GRM4: variants seen among roughly 807,000 people sequenced by gnomAD.
GRM4 encodes glutamate metabotropic receptor 4, also known as metabotropic glutamate receptor 4.
A neutral mutation model predicts 81.7 loss-of-function variants in GRM4; 28 were observed. The observed-to-expected ratio is 0.34, with a 90% confidence interval of 0.25 to 0.47. GRM4 has a LOEUF of 0.47. GRM4 is among the 20% of genes least tolerant of loss of function. The pLI is 1.00. For missense variants in GRM4, 948 were observed against 1,290.0 expected, an observed-to-expected ratio of 0.73 and a Z score of 4.06; for synonymous variants, 488 against 528.8, an observed-to-expected ratio of 0.92 and a Z score of 1.06.
chr6:34,111,118 C>T lies in GRM4; in HGVS notation c.520-19019G>A, dbSNP rs1581708841. The T allele has an allele frequency of 4.5e-5, 2 of 44,112 alleles. No homozygotes were observed. Among genetic ancestry groups the T allele is most frequent in the Non-Finnish European group, 6.9e-5 (1 of 14,460 alleles). 2.7% of individuals were successfully genotyped at this position (44,112 alleles called of 1,614,324 possible). ...AGGAGACACACACAGGCCACATACACACACACACACACACACACACACACA... is the reference window on the plus strand; with the variant it reads ...AGGAGACACACACAGGCCACATACATACACACACACACACACACACACACA... On this transcript the variant is annotated intron_variant, in intron 2 of 10. Transcript: ENST00000538487. The surrounding 1 kb of genome is among the most constrained non-coding windows in gnomAD (Gnocchi z 5.1).
Position 34,136,563 on chromosome 6 carries a change from G to GACACACACAC in GRM4, c.-363-2714_-363-2705dup, listed in dbSNP as rs10635207. Among the ~76,000 whole-genome samples the GACACACACAC allele has an allele frequency of 0.059, 8,369 of 142,390 alleles. 295 individuals carry two copies. Among genetic ancestry groups the GACACACACAC allele is most frequent in the Middle Eastern group, 0.13 (37 of 278 alleles). The allele number at this position is 142,390 out of a possible 152,430, so 93.4% of individuals were successfully genotyped here. On this transcript the variant is annotated intron_variant, in intron 1 of 10. Coordinates refer to ENST00000538487, the MANE Select transcript of GRM4 (RefSeq NM_000841.4). This position sits in a 1 kb window ranked among gnomAD's most constrained non-coding sequence, Gnocchi z 4.1. ...GCTGAGCAGTGCATGCGCGCGTGCG[G>GACACACACAC]ACACACACACACACACACACACACA...
rs1214807447 is a variant in GRM4 at position 34,022,568 on chromosome 6, AG to A, written c.*252del. ...TGAGCCCCTGTGGTTTGGGGCCGGG[AG>A]GGGCAATGGTCCAAGACGCAGGTTC... On this transcript the variant is annotated 3_prime_UTR_variant, in exon 11 of 11. Transcript: ENST00000538487. The surrounding 1 kb of genome is among the most constrained non-coding windows in gnomAD (Gnocchi z 5.6). 7.3e-6 allele frequency: 4 copies of A among 549,300 alleles called. No homozygotes were observed. The highest frequency in any genetic ancestry group is 3.1e-5 in the Admixed American group (1 of 32,078). The allele number at this position is 549,300 out of a possible 1,614,324, so 34.0% of individuals were successfully genotyped here.
chr6:34,115,538 G>A lies in GRM4; in HGVS notation c.519+17440C>T, dbSNP rs901817716. On this transcript the variant is annotated intron_variant, in intron 2 of 10. Transcript: ENST00000538487. This position sits in a 1 kb window ranked among gnomAD's most constrained non-coding sequence, Gnocchi z 4.1. ...CCACAAGGTCCTGGTTCAGGACCTT[G>A]GACAGCAGCCTCCAGGGGTCTGCCC... Among the ~76,000 whole-genome samples, 1 of 152,170 alleles carries A rather than the reference G, an allele frequency of 6.6e-6. No individual in the cohort carries two copies. Among genetic ancestry groups the A allele is most frequent in the Non-Finnish European group, 1.5e-5 (1 of 68,034 alleles).
rs907046041 is a variant in GRM4 at position 34,064,996 on chromosome 6, G to A, written c.737-2968C>T. On this transcript the variant is annotated intron_variant, in intron 3 of 10. Transcript: ENST00000538487. This position sits in a 1 kb window ranked among gnomAD's most constrained non-coding sequence, Gnocchi z 4.4. ...GGAGAGGCCCCCATTTCCTGCAGCC[G>A]CTCCTGGACAGTTCCCTTTCCTTGC... 5.3e-5 allele frequency among the ~76,000 whole-genome samples: 8 copies of A among 152,150 alleles called. No individual in the cohort carries two copies. Among genetic ancestry groups the A allele is most frequent in the Admixed American group, 3.3e-4 (5 of 15,282 alleles).
At chr6:34,033,989 T>C (rs1051343420) in intron 9 of GRM4, among the ~76,000 whole-genome samples, 6 of 152,176 alleles carry the variant, frequency 3.9e-5, no homozygotes, top group Admixed American at 1.3e-4. Context: ...TCCACCCGCC[T>C]CAGCCTCCCA....
In GRM4 at chr6:34,022,931, T is replaced by C. The variant is rs1022975343; in HGVS notation, c.2690-61A>G. 1 of 1,302,622 alleles carries C rather than the reference T, an allele frequency of 7.7e-7. No individual in the cohort carries two copies. Among genetic ancestry groups the C allele is most frequent in the Non-Finnish European group, 1.1e-6 (1 of 896,072 alleles). 80.7% of individuals were successfully genotyped at this position (1,302,622 alleles called of 1,614,324 possible). A position where few individuals can be genotyped will look rare whatever the true frequency, so the allele number is the denominator to read the frequency against. On this transcript the variant is annotated intron_variant, in intron 10 of 10. Transcript: ENST00000538487. This position sits in a 1 kb window ranked among gnomAD's most constrained non-coding sequence, Gnocchi z 5.6. Reference sequence around the variant, plus strand: ...GGGGCTGCTTTTCTCAAACTGTCCTTCCACATGGGCACAGCCCTGCACAAG... The same window carrying C: ...GGGGCTGCTTTTCTCAAACTGTCCTCCCACATGGGCACAGCCCTGCACAAG...
chr6:34,095,210 G>A (rs1768456754), intron 2 of GRM4, among the ~76,000 whole-genome samples: 1 of 152,144 alleles, frequency 6.6e-6, no homozygotes, highest in East Asian at 1.9e-4. Context: ...ACTAGAACAA[G>A]GACCCAACTT....
chr6:34,076,517 C>T (rs775749187), intron 3 of GRM4, among the ~76,000 whole-genome samples: 7 of 152,228 alleles, frequency 4.6e-5, no homozygotes, highest in African/African-American at 7.2e-5. Context: ...CAAGCTTCCT[C>T]AGCTGGAAAA....
chr6:34,052,770 G>A (rs1765678414), intron 6 of GRM4, among the ~76,000 whole-genome samples: 1 of 152,202 alleles, frequency 6.6e-6, no homozygotes, highest in Admixed American at 6.5e-5. Context: ...GGGAAGGAGG[G>A]GAAGGGCAGG....
exon 1 of GRM4, chr6:34,155,342 G>T: frequency 6.6e-7 from 1 of 1,512,828 alleles, no homozygotes; most frequent in Non-Finnish European, 8.8e-7. Flanking sequence ...GAGCAAGGAG[G>T]GGCGCGCCAG....
At chr6:34,148,167 G>T (rs1770977544), upstream of GRM4, among the ~76,000 whole-genome samples, 1 of 151,914 alleles carries the variant, frequency 6.6e-6, no homozygotes, top group Non-Finnish European at 1.5e-5. Context: ...CCAGTTTGCA[G>T]GTTCCCAGCC....
Position 34,035,533 on chromosome 6 carries a change from G to A in GRM4, c.2442+135C>T, listed in dbSNP as rs551456506. 1.4e-4 allele frequency: 85 copies of A among 594,410 alleles called. 1 individual carries two copies. In the South Asian group the frequency reaches 1.9e-3, roughly 13 times the overall value. The allele number at this position is 594,410 out of a possible 1,614,324, so 36.8% of individuals were successfully genotyped here. ...TGAGGCATGAAAGAAGGCAGAATGA[G>A]GCAAGAAAGAAGGCAGAATGAGGCA... On this transcript the variant is annotated intron_variant, in intron 9 of 10. Coordinates refer to ENST00000538487, the MANE Select transcript of GRM4 (RefSeq NM_000841.4). The surrounding 1 kb of genome is among the most constrained non-coding windows in gnomAD (Gnocchi z 6.6).
In GRM4 at chr6:34,078,439, C is replaced by T. The variant is rs971643455; in HGVS notation, c.736+13444G>A. Among the ~76,000 whole-genome samples, 2 of 152,128 alleles carry T rather than the reference C, an allele frequency of 1.3e-5. No homozygotes were observed. The highest frequency in any genetic ancestry group is 2.4e-5 in the African/African-American group (1 of 41,404). On this transcript the variant is annotated intron_variant, in intron 3 of 10. Coordinates refer to ENST00000538487, the MANE Select transcript of GRM4 (RefSeq NM_000841.4). This position sits in a 1 kb window ranked among gnomAD's most constrained non-coding sequence, Gnocchi z 4.8. ...CATTTTACAGATAAGGAAACCAAGC[C>T]CCACCAGCCAGAGCCCAGTGCTGCG...
In GRM4 at chr6:34,061,850, C is replaced by T. The variant is rs754191579; in HGVS notation, c.872+43G>A. On this transcript the variant is annotated intron_variant, in intron 4 of 10. Transcript: ENST00000538487. ...ACAGGACCCGTGGCTTTGCCCACAC[C>T]TGCATGGCTCCCGGTGCCCACCCTG... The T allele has an allele frequency of 5.0e-6, 8 of 1,590,146 alleles. No individual in the cohort carries two copies. In the South Asian group the frequency reaches 9.1e-5, roughly 18 times the overall value.
At chr6:34,071,988 TC>T (rs1766911349) in intron 3 of GRM4, among the ~76,000 whole-genome samples, 1 of 6,114 alleles carries the variant, frequency 1.6e-4, no homozygotes. Context: ...CTCCCACACA[TC>T]ACCACAAAAA....
intron 6 of GRM4, among the ~76,000 whole-genome samples, chr6:34,046,593 ACAG>A (rs1765373903): frequency 6.6e-6 from 1 of 152,206 alleles, no homozygotes; most frequent in Non-Finnish European, 1.5e-5. Context: ...TGTCCCATCC[ACAG>A]GGATAAATGC....
At chr6:34,076,273 C>T (rs1419679229) in intron 3 of GRM4, among the ~76,000 whole-genome samples, 2 of 152,080 alleles carry the variant, frequency 1.3e-5, no homozygotes, top group South Asian at 2.1e-4. Flanking sequence ...CCCCCTCCCA[C>T]CCACCCCACC....
intron 2 of GRM4, among the ~76,000 whole-genome samples, chr6:34,100,599 A>G (rs1161224509): frequency 6.6e-6 from 1 of 152,234 alleles, no homozygotes; most frequent in Non-Finnish European, 1.5e-5. Flanking sequence ...GCACCCACTG[A>G]GTGCTCTGCA....
Position 34,069,498 on chromosome 6 carries a change from G to T in GRM4, c.737-7470C>A, listed in dbSNP as rs1766677804. 6.6e-6 allele frequency among the ~76,000 whole-genome samples: 1 copy of T among 152,144 alleles called. No individual in the cohort carries two copies. Among genetic ancestry groups the T allele is most frequent in the Non-Finnish European group, 1.5e-5 (1 of 68,014 alleles). On this transcript the variant is annotated intron_variant, in intron 3 of 10. Transcript: ENST00000538487. This position sits in a 1 kb window ranked among gnomAD's most constrained non-coding sequence, Gnocchi z 6.4. ...ACACACGAGGGCTGGGCTGGCTCCA[G>T]CTGGATCTGGGACTGCACAGAGGGC...
Sources: gnomAD v4.1 joint callset for allele counts (sites outside exome capture counted in the v4.1 genomes callset) on GRCh38, gnomAD v4.1.1 for gene constraint, Gnocchi (gnomAD v3.1) non-coding constraint, MANE v1.5 for transcripts, NCBI Gene and HGNC (gene_info 2026-07-23, HGNC 2026-07-21) for gene names.